The following SOX5 variants were observed in gnomAD, a reference collection of about 807,000 sequenced individuals.
The protein encoded by SOX5 is transcription factor SOX-5.
SOX5 carries 9 observed loss-of-function variants against 92.0 expected under a neutral mutation model. The observed-to-expected ratio is 0.10, with a 90% CI of 0.06 to 0.17. The LOEUF is 0.17. Among genes scored for constraint, SOX5 ranks in the 10% least tolerant of loss-of-function variants. The pLI is 1.00. For missense variants in SOX5, 642 were observed against 944.5 expected, an observed-to-expected ratio of 0.68 and a Z score of 4.20; for synonymous variants, 344 against 336.3, an observed-to-expected ratio of 1.02 and a Z score of -0.25.
chr12:24,284,791 G>A (rs942254303), intron 2 of SOX5, among the ~76,000 whole-genome samples: 1 of 152,130 alleles, frequency 6.6e-6, no homozygotes, highest in Non-Finnish European at 1.5e-5. Flanking sequence ...AATTTTTACT[G>A]TCAATGTGTA....
chr12:23,731,295 C>G (rs1339960847), intron 6 of SOX5, among the ~76,000 whole-genome samples: 1 of 152,186 alleles, frequency 6.6e-6, no homozygotes, highest in Non-Finnish European at 1.5e-5. Flanking sequence ...TGCAGAAGGC[C>G]TGTTGCAGAA....
At chr12:24,333,450 G>T (rs1595683135) in intron 2 of SOX5, among the ~76,000 whole-genome samples, 1 of 151,828 alleles carries the variant, frequency 6.6e-6, no homozygotes, top group African/African-American at 2.4e-5. Flanking sequence ...AAACTTAACG[G>T]GATCTTAAGA....
At chr12:23,679,387 G>A (rs1320812506) in intron 6 of SOX5, among the ~76,000 whole-genome samples, 3 of 151,250 alleles carry the variant, frequency 2.0e-5, no homozygotes, top group Non-Finnish European at 4.4e-5. Context: ...TACCACTGAC[G>A]CTGCTGCTGC....
At chr12:23,986,152 G>A (rs1034632551) in intron 4 of SOX5, among the ~76,000 whole-genome samples, 1 of 152,100 alleles carries the variant, frequency 6.6e-6, no homozygotes, top group African/African-American at 2.4e-5. Flanking sequence ...ATTACAATGT[G>A]TATATCTTTT....
intron 8 of SOX5, among the ~76,000 whole-genome samples, chr12:23,609,243 G>A (rs1362526426): frequency 2.2e-4 from 33 of 152,094 alleles, no homozygotes; most frequent in Non-Finnish European, 7.4e-5. Flanking sequence ...TAGTTTTGTA[G>A]GCTACACTCA....
chr12:23,600,333 T>A (rs2074274114), intron 9 of SOX5, among the ~76,000 whole-genome samples: 1 of 151,728 alleles, frequency 6.6e-6, no homozygotes, highest in South Asian at 2.1e-4. Context: ...TTCGCTTTTG[T>A]GGGTCAATGA....
At position 24,488,171 on chromosome 12, in the gene SOX5, C is replaced by G. The variant is rs1166778664; in HGVS notation, c.-251+74158G>C. Among the ~76,000 whole-genome samples the G allele has an allele frequency of 2.1e-5, 3 of 144,550 alleles. No homozygotes were observed. In the East Asian group the frequency reaches 7.7e-4, roughly 37 times the overall value. 94.8% of individuals were successfully genotyped at this position (144,550 alleles called of 152,430 possible). ...ATTCAAGTGTGACTTAAAATGTTTG[C>G]TTTTACTTAAGGTTAAAAAAAATTA... On this transcript the variant is annotated intron_variant, in intron 1 of 4. Coordinates refer to the SOX5 transcript ENST00000446891.
At chr12:24,344,010 T>C (rs1295942871) in intron 2 of SOX5, among the ~76,000 whole-genome samples, 1 of 151,852 alleles carries the variant, frequency 6.6e-6, no homozygotes, top group East Asian at 1.9e-4. Context: ...ATAGGCCGGG[T>C]GCAGGGGCTC....
chr12:23,613,533 G>C (rs1436370285), intron 8 of SOX5, among the ~76,000 whole-genome samples: 1 of 152,110 alleles, frequency 6.6e-6, no homozygotes, highest in Non-Finnish European at 1.5e-5. Flanking sequence ...AGAATTGAAA[G>C]CAGGATCTCA....
chr12:24,152,748 A>C (rs562308761), intron 4 of SOX5, among the ~76,000 whole-genome samples: 2 of 152,270 alleles, frequency 1.3e-5, no homozygotes, highest in Admixed American at 1.3e-4. Context: ...GCAATGCCAT[A>C]GGACAGGATA....
upstream of SOX5, among the ~76,000 whole-genome samples, chr12:23,955,652 C>T (rs940490362): frequency 6.6e-6 from 1 of 151,936 alleles, no homozygotes; most frequent in Non-Finnish European, 1.5e-5. Context: ...CCTTGTGATA[C>T]ACATGGTGAT....
At chr12:23,964,850 C>G (rs908539025) in intron 4 of SOX5, among the ~76,000 whole-genome samples, 1 of 152,048 alleles carries the variant, frequency 6.6e-6, no homozygotes, top group Non-Finnish European at 1.5e-5. Flanking sequence ...AATTTATGGC[C>G]CACCTTGAGA....
chr12:24,076,041 C>T (rs1025729125), intron 4 of SOX5, among the ~76,000 whole-genome samples: 6 of 152,124 alleles, frequency 3.9e-5, no homozygotes, highest in African/African-American at 7.2e-5. Flanking sequence ...TTGTAACTTT[C>T]GCCCCATTGG....
intron 3 of SOX5, among the ~76,000 whole-genome samples, chr12:24,218,661 T>C (rs1275838303): frequency 6.6e-6 from 1 of 152,196 alleles, no homozygotes; most frequent in Non-Finnish European, 1.5e-5. Flanking sequence ...ACAAGTCTTT[T>C]AAAAATTACA....
chr12:24,431,307 A>G (rs1380526629), intron 1 of SOX5, among the ~76,000 whole-genome samples: 1 of 152,212 alleles, frequency 6.6e-6, no homozygotes, highest in Admixed American at 6.5e-5. Context: ...ATGATAATTG[A>G]GAGGCAATTC....
Position 23,941,366 on chromosome 12 carries a change from A to C in SOX5, c.38+8198T>G, listed in dbSNP as rs1388057223. ...CTAGAAGAATGCTTTTAAAGCACTA[A>C]GTGTTCTTAAACTGTTTATAGGTCA... On this transcript the variant is annotated intron_variant, in intron 1 of 14. Transcript: ENST00000451604. Among the ~76,000 whole-genome samples, 3 of 151,724 alleles carry C rather than the reference A, an allele frequency of 2.0e-5. No individual in the cohort carries two copies. In the East Asian group the frequency reaches 5.8e-4, roughly 29 times the overall value.
chr12:23,925,265 G>A (rs1013882751), intron 1 of SOX5, among the ~76,000 whole-genome samples: 1 of 152,144 alleles, frequency 6.6e-6, no homozygotes, highest in South Asian at 2.1e-4. Flanking sequence ...ATAATTCTGT[G>A]TGTGTTACAT....
At chr12:24,248,547 G>A (rs757674346) in intron 3 of SOX5, among the ~76,000 whole-genome samples, 1 of 152,080 alleles carries the variant, frequency 6.6e-6, no homozygotes, top group Non-Finnish European at 1.5e-5. Context: ...ACCACGCTCG[G>A]CTAATTTTTA....
At chr12:23,778,242 TTTCTATTCAACTAG>T (rs1435309758) in intron 3 of SOX5, among the ~76,000 whole-genome samples, 2 of 152,226 alleles carry the variant, frequency 1.3e-5, no homozygotes, top group Non-Finnish European at 2.9e-5. Context: ...CAAGAATAGT[TTTCTATTCAACTAG>T]TTCTATTCAA....
Sources: allele counts gnomAD v4.1 joint callset (sites outside exome capture counted in the v4.1 genomes callset), GRCh38; gene constraint gnomAD v4.1.1; transcripts MANE v1.5; gene names NCBI Gene and HGNC (gene_info 2026-07-23, HGNC 2026-07-21).